MAGI2: variants seen among roughly 807,000 people sequenced by gnomAD.
MAGI2 encodes the protein membrane-associated guanylate kinase, WW and PDZ domain-containing protein 2.
In MAGI2, 35 loss-of-function variants were observed where a neutral mutation model predicts 133.3. The observed-to-expected ratio is 0.26, with a 90% CI of 0.20 to 0.35. MAGI2 has a LOEUF of 0.35. MAGI2 is among the 10% of genes least tolerant of loss of function. The probability of loss-of-function intolerance (pLI) is 1.00; values close to 1 mark genes in which losing one functional copy is unlikely to be tolerated. For synonymous variants in MAGI2, 729 were observed against 710.6 expected, an observed-to-expected ratio of 1.03 and a Z score of -0.41; for missense variants, 1,636 against 1,863.4, an observed-to-expected ratio of 0.88 and a Z score of 2.25.
intron 3 of MAGI2, among the ~76,000 whole-genome samples, chr7:78,623,689 T>C (rs373506406): frequency 6.6e-6 from 1 of 152,156 alleles, no homozygotes. Context: ...GCCTTATAAA[T>C]GCTAATGGAA....
At chr7:78,153,187 A>G (rs1413725187) in intron 16 of MAGI2, among the ~76,000 whole-genome samples, 2 of 152,208 alleles carry the variant, frequency 1.3e-5, no homozygotes, top group African/African-American at 4.8e-5. Context: ...AACAAACCTC[A>G]CTATGGAGGT....
chr7:78,037,840 G>A (rs1810390147), intron 21 of MAGI2, among the ~76,000 whole-genome samples: 1 of 152,166 alleles, frequency 6.6e-6, no homozygotes, highest in Non-Finnish European at 1.5e-5. Context: ...TTATGTTGGT[G>A]GACCTGCTGT....
chr7:78,297,989 AAAAAAAG>A (rs1270170759), intron 9 of MAGI2, among the ~76,000 whole-genome samples: 76 of 152,042 alleles, frequency 5.0e-4, no homozygotes, highest in African/African-American at 1.7e-3. Context: ...GTATAATTAA[AAAAAAAG>A]AATTGTCTGG....
chr7:79,240,056 C>T (rs1832268053), intron 1 of MAGI2, among the ~76,000 whole-genome samples: 1 of 152,176 alleles, frequency 6.6e-6, no homozygotes, highest in South Asian at 2.1e-4. Context: ...TAGCCAGTGC[C>T]ATCCCTTGCT....
chr7:79,345,985 C>A (rs1408986316), intron 1 of MAGI2, among the ~76,000 whole-genome samples: 1 of 152,002 alleles, frequency 6.6e-6, no homozygotes, highest in Non-Finnish European at 1.5e-5. Flanking sequence ...GTTAAGAATG[C>A]TCATAGGTAA....
chr7:78,658,692 G>A (rs1812575904), intron 2 of MAGI2, among the ~76,000 whole-genome samples: 1 of 152,090 alleles, frequency 6.6e-6, no homozygotes, highest in African/African-American at 2.4e-5. Context: ...TATACGGATG[G>A]CAAATAAGCA....
rs139579588 is a variant in MAGI2, at chr7:78,499,074, A to C, written c.965+2503T>G. Among the ~76,000 whole-genome samples, 519 of 152,160 alleles carry C rather than the reference A, an allele frequency of 3.4e-3. 1 individual carries two copies. The highest frequency in any genetic ancestry group is 5.6e-3 in the Non-Finnish European group (383 of 67,972). On this transcript the variant is annotated intron_variant, in intron 5 of 21. Transcript: ENST00000354212. The stretch of plus-strand genomic sequence containing the variant: ...AAACTCAAACAACAACAACAACAAC[A>C]ACAACAACAACAAAATGCCACTCCT...
intron 3 of MAGI2, among the ~76,000 whole-genome samples, chr7:78,538,398 T>C (rs1584545953): frequency 6.6e-6 from 1 of 152,238 alleles, no homozygotes; most frequent in East Asian, 1.9e-4. Flanking sequence ...TTGCATTGAA[T>C]GTATAGATTG....
intron 3 of MAGI2, among the ~76,000 whole-genome samples, chr7:78,552,049 T>C (rs913241351): frequency 2.0e-5 from 3 of 152,082 alleles, no homozygotes; most frequent in African/African-American, 7.2e-5. Flanking sequence ...CCAGCTCCAG[T>C]TTGCATTGTT....
At chr7:78,120,426 CA>C (rs922116401) in intron 20 of MAGI2, among the ~76,000 whole-genome samples, 4 of 151,978 alleles carry the variant, frequency 2.6e-5, no homozygotes, top group African/African-American at 9.7e-5. Context: ...AAACACTTGA[CA>C]AGAAAATTCT....
At chr7:79,193,699 A>G (rs1316969848) in intron 1 of MAGI2, among the ~76,000 whole-genome samples, 2 of 151,920 alleles carry the variant, frequency 1.3e-5, no homozygotes, top group Non-Finnish European at 2.9e-5. Flanking sequence ...AAAAAAAATT[A>G]TAATTCATTA....
intron 3 of MAGI2, among the ~76,000 whole-genome samples, chr7:78,549,707 A>G (rs907750837): frequency 6.6e-6 from 1 of 152,218 alleles, no homozygotes. Flanking sequence ...CTGGATTTTT[A>G]TCAAATGCAA....
chr7:79,130,125 A>AC (rs1036929086), intron 1 of MAGI2, among the ~76,000 whole-genome samples: 69 of 107,948 alleles, frequency 6.4e-4, no homozygotes, highest in African/African-American at 6.3e-4. Context: ...AAAAAGTGAG[A>AC]CCCCCCTCAC....
chr7:78,460,009 G>A lies in MAGI2; in HGVS notation c.1045+29752C>T, dbSNP rs1052119927. On this transcript the variant is annotated intron_variant, in intron 6 of 21. Transcript: ENST00000354212. ...GCACCCCAGGGCATTTATTTTGCCTGTCTTCTAGTGTTTCCCAAAGAGACA... is the reference window on the plus strand; with the variant it reads ...GCACCCCAGGGCATTTATTTTGCCTATCTTCTAGTGTTTCCCAAAGAGACA... Among the ~76,000 whole-genome samples, 10 of 152,320 alleles carry A rather than the reference G, an allele frequency of 6.6e-5. No individual in the cohort carries two copies. In the East Asian group the frequency reaches 1.5e-3, roughly 23 times the overall value.
intron 6 of MAGI2, among the ~76,000 whole-genome samples, chr7:78,374,968 T>A (rs1202497842): frequency 2.6e-5 from 4 of 151,882 alleles, no homozygotes; most frequent in African/African-American, 9.7e-5. Context: ...GCCTCCTGAG[T>A]AGCTGGGATT....
intron 6 of MAGI2, among the ~76,000 whole-genome samples, chr7:78,426,400 T>C (rs936759649): frequency 1.3e-5 from 2 of 151,726 alleles, no homozygotes; most frequent in African/African-American, 4.9e-5. Context: ...AGGTGGGAAC[T>C]GAACAATGGA....
At chr7:79,127,571 T>C (rs1339707005) in intron 1 of MAGI2, among the ~76,000 whole-genome samples, 5 of 152,258 alleles carry the variant, frequency 3.3e-5, no homozygotes, top group African/African-American at 4.8e-5. Context: ...CATTTTTTCA[T>C]GTGTTTTTGG....
At chr7:78,291,806 A>G (rs1425485386) in intron 9 of MAGI2, among the ~76,000 whole-genome samples, 2 of 152,234 alleles carry the variant, frequency 1.3e-5, no homozygotes, top group African/African-American at 4.8e-5. Flanking sequence ...GTAATTCAGC[A>G]TATAAACAGA....
intron 1 of MAGI2, among the ~76,000 whole-genome samples, chr7:79,194,361 T>A (rs1232229918): frequency 6.6e-6 from 1 of 152,104 alleles, no homozygotes; most frequent in East Asian, 1.9e-4. Context: ...TTCTAAGTTG[T>A]AGGAATTAGT....
Sources: allele counts gnomAD v4.1 joint callset (sites outside exome capture counted in the v4.1 genomes callset), GRCh38; gene constraint gnomAD v4.1.1; transcripts MANE v1.5; gene names NCBI Gene and HGNC (gene_info 2026-07-23, HGNC 2026-07-21).